ATP2C1: variants seen among roughly 807,000 people sequenced by gnomAD.
The protein encoded by ATP2C1 is calcium-transporting ATPase type 2C member 1.
Under a neutral mutation model 120.5 loss-of-function variants are expected in ATP2C1, and 31 were observed. That is an observed-to-expected ratio of 0.26 (90% confidence interval 0.19 to 0.35). The LOEUF (loss-of-function observed/expected upper bound fraction) is 0.35, where lower values mean the gene tolerates loss of function less well. Among genes scored for constraint, ATP2C1 ranks in the 10% least tolerant of loss-of-function variants. The probability of loss-of-function intolerance (pLI) is 1.00; values close to 1 mark genes in which losing one functional copy is unlikely to be tolerated. For missense variants in ATP2C1, 731 were observed against 1,107.5 expected, an observed-to-expected ratio of 0.66 and a Z score of 4.83; for synonymous variants, 351 against 358.7, an observed-to-expected ratio of 0.98 and a Z score of 0.24.
intron 1 of ATP2C1, among the ~76,000 whole-genome samples, chr3:130,887,199 T>G (rs1437177710): frequency 6.6e-6 from 1 of 152,204 alleles, no homozygotes; most frequent in Non-Finnish European, 1.5e-5. Context: ...CTCTCTGTGC[T>G]GAGCTGCCTA....
chr3:130,951,395 C>T (rs1430001481), intron 8 of ATP2C1, among the ~76,000 whole-genome samples: 1 of 152,030 alleles, frequency 6.6e-6, no homozygotes, highest in Non-Finnish European at 1.5e-5. Context: ...AATTACTTGC[C>T]TCATAGGAGT....
rs747416446 is a variant in ATP2C1 at position 130,944,131 on chromosome 3, A to G, written c.531+2432A>G. ...GAAAGCAAGTCTGTGAACTTCTGCT[A>G]TGTAGTTAGTTCTCTTACAGACTAG... is the stretch of plus-strand genomic sequence containing the variant. On this transcript the variant is annotated intron_variant, in intron 8 of 27. Transcript: ENST00000510168. Among the ~76,000 whole-genome samples the G allele has an allele frequency of 7.3e-4, 111 of 152,230 alleles. 3 individuals are homozygous for G. The highest frequency in any genetic ancestry group is 2.6e-4 in the Non-Finnish European group (18 of 68,042).
intron 2 of ATP2C1, chr3:130,899,318 A>G (rs1458389977): frequency 1.3e-5 from 2 of 152,176 alleles, no homozygotes; most frequent in Non-Finnish European, 2.9e-5. Flanking sequence ...CTCACTGATA[A>G]CATAAACAGT....
At chr3:131,016,214 A>G in exon 27 of ATP2C1, 1 of 1,614,148 alleles carries the variant, frequency 6.2e-7, no homozygotes, top group South Asian at 1.1e-5. Flanking sequence ...TGGAGACAGG[A>G]CTGCCACTGA....
chr3:131,004,187 T>G (rs998443810), downstream of ATP2C1, among the ~76,000 whole-genome samples: 2 of 152,234 alleles, frequency 1.3e-5, no homozygotes, highest in Non-Finnish European at 2.9e-5. Context: ...CAGTGCACTT[T>G]TCACTAGATG....
In ATP2C1 at chr3:130,999,501, C is replaced by G; in HGVS notation, c.2488-17C>G. 6.2e-7 allele frequency: 1 copy of G among 1,613,070 alleles called. No homozygotes were observed. The highest frequency in any genetic ancestry group is 8.5e-7 in the Non-Finnish European group (1 of 1,179,414). ...GTGACCAAGGAGTAATAAATGAACT[C>G]TCTGCTCTGCCAACAGACCAAGTCT... On this transcript the variant is annotated splice_polypyrimidine_tract_variant and intron_variant, in intron 26 of 27. Coordinates refer to ENST00000510168, the MANE Select transcript of ATP2C1 (RefSeq NM_001378687.1).
chr3:130,914,616 T>C (rs1298653013), intron 2 of ATP2C1, among the ~76,000 whole-genome samples: 1 of 152,232 alleles, frequency 6.6e-6, no homozygotes, highest in African/African-American at 2.4e-5. Flanking sequence ...GCTTGAACTC[T>C]TGATCTTCTG....
chr3:130,979,122 A>G (rs2061646876), intron 18 of ATP2C1, 127 bp from the exon 19 acceptor site: 1 of 886,304 alleles, frequency 1.1e-6, no homozygotes, highest in African/African-American at 1.7e-5. Flanking sequence ...TTGATTTTAC[A>G]AATGACATTA....
chr3:131,006,981 A>C (rs569522093), downstream of ATP2C1, among the ~76,000 whole-genome samples: 6 of 152,194 alleles, frequency 3.9e-5, no homozygotes, highest in East Asian at 1.2e-3. Context: ...TTTCTTGTAA[A>C]CACTCTTTGA....
chr3:130,925,734 A>G (rs2059172060), intron 2 of ATP2C1, among the ~76,000 whole-genome samples: 2 of 150,212 alleles, frequency 1.3e-5, no homozygotes, highest in South Asian at 2.1e-4. Flanking sequence ...GAGAAAGACT[A>G]CGAGGTGGGG....
In ATP2C1 at chr3:130,997,796, A is replaced by G. The variant is rs557593642; in HGVS notation, c.2391+43A>G. 4.4e-6 allele frequency: 7 copies of G among 1,601,162 alleles called. No individual in the cohort carries two copies. In the South Asian group the frequency reaches 5.5e-5, roughly 13 times the overall value. ...GCTGCTATATTAACATGAATTCTGT[A>G]TATCTGATAGGATTCTTAGTTATTT... On this transcript the variant is annotated intron_variant, in intron 25 of 27. Transcript: ENST00000510168.
chr3:131,001,104 G>GAAAAAA (rs11403338), intron 27 of ATP2C1, 116 bp from the exon 28 acceptor site: 115 of 340,612 alleles, frequency 3.4e-4, no homozygotes, highest in Admixed American at 5.3e-4. Flanking sequence ...CTTCATCTCA[G>GAAAAAA]AAAAAAAAAA....
intron 17 of ATP2C1, among the ~76,000 whole-genome samples, chr3:130,974,789 AAG>A (rs1464036621): frequency 6.6e-6 from 1 of 152,184 alleles, no homozygotes; most frequent in Admixed American, 6.5e-5. Context: ...GAAAACAGCT[AAG>A]AGAGTTAAAA....
At chr3:130,997,363 G>C (rs2062671839) in intron 24 of ATP2C1, among the ~76,000 whole-genome samples, 1 of 152,102 alleles carries the variant, frequency 6.6e-6, no homozygotes, top group African/African-American at 2.4e-5. Context: ...AAATGAATTG[G>C]ATGGTTTTTT....
Position 130,867,599 on chromosome 3 carries a change from G to T in ATP2C1, c.108+16671G>T, listed in dbSNP as rs1352965539. 9.5e-3 allele frequency among the ~76,000 whole-genome samples: 1,431 copies of T among 151,158 alleles called. 17 individuals carry two copies. The highest frequency in any genetic ancestry group is 0.031 in the African/African-American group (1,278 of 41,146). On this transcript the variant is annotated intron_variant, in intron 1 of 26. Transcript: ENST00000504381. Reference sequence around the variant, plus strand: ...AGTCTCATTCACTCAGTGCTCAATGGTGCCCAGGCTGGAGTGCAGTGGCGT... The same window carrying T: ...AGTCTCATTCACTCAGTGCTCAATGTTGCCCAGGCTGGAGTGCAGTGGCGT...
chr3:130,873,500 G>A (rs530083434), intron 1 of ATP2C1, among the ~76,000 whole-genome samples: 12 of 152,202 alleles, frequency 7.9e-5, no homozygotes, highest in Admixed American at 3.3e-4. Flanking sequence ...TAATTTAAAC[G>A]TTTTAATCAA....
At chr3:130,851,045 C>A in intron 1 of ATP2C1, 1 of 469,172 alleles carries the variant, frequency 2.1e-6, no homozygotes, top group Non-Finnish European at 3.4e-6. Context: ...AGGTCAGATC[C>A]TGCTTGTGGC....
intron 8 of ATP2C1, among the ~76,000 whole-genome samples, chr3:130,943,722 G>A (rs2060021093): frequency 1.3e-5 from 2 of 151,996 alleles, no homozygotes; most frequent in African/African-American, 4.8e-5. Context: ...CCTTAATTCT[G>A]CCTTATTTGT....
At chr3:130,897,378 G>C (rs2107940536) in intron 2 of ATP2C1, among the ~76,000 whole-genome samples, 1 of 152,288 alleles carries the variant, frequency 6.6e-6, no homozygotes, top group South Asian at 2.1e-4. Context: ...AGCTTTCTCA[G>C]CCTCTAAGTT....
Sources: gnomAD v4.1 joint callset for allele counts (sites outside exome capture counted in the v4.1 genomes callset) on GRCh38, gnomAD v4.1.1 for gene constraint, MANE v1.5 for transcripts, NCBI Gene and HGNC (gene_info 2026-07-23, HGNC 2026-07-21) for gene names.